The following SNTG1 variants were observed in gnomAD, a reference collection of about 807,000 sequenced individuals.
SNTG1 encodes gamma-1-syntrophin.
Under a neutral mutation model 74.7 loss-of-function variants are expected in SNTG1, and 39 were observed. The observed-to-expected ratio is 0.52, with a 90% CI of 0.40 to 0.68. The LOEUF (loss-of-function observed/expected upper bound fraction) is 0.68, where lower values mean the gene tolerates loss of function less well. Among genes scored for constraint, SNTG1 ranks in the 30% least tolerant of loss-of-function variants. The pLI is 0.00. For missense variants in SNTG1, 685 were observed against 609.5 expected (o/e 1.12, Z -1.30); for synonymous variants, 254 against 217.1 (o/e 1.17, Z -1.49).
chr8:50,165,880 G>A (rs927767201), intron 1 of SNTG1, among the ~76,000 whole-genome samples: 1 of 151,684 alleles, frequency 6.6e-6, no homozygotes, highest in Non-Finnish European at 1.5e-5. Context: ...ATACTACAAG[G>A]CTACAGTAAC....
At chr8:50,317,981 C>G (rs181918244) in intron 2 of SNTG1, among the ~76,000 whole-genome samples, 2 of 152,104 alleles carry the variant, frequency 1.3e-5, no homozygotes, top group Admixed American at 6.5e-5. Context: ...GGACTACAGG[C>G]GCTCGCCACC....
At chr8:50,377,348 G>A (rs373374013) in intron 2 of SNTG1, among the ~76,000 whole-genome samples, 1 of 152,078 alleles carries the variant, frequency 6.6e-6, no homozygotes, top group Admixed American at 6.5e-5. Context: ...TAACAACTTC[G>A]TACATAATTT....
At chr8:50,509,599 T>C (rs1585513734) in intron 9 of SNTG1, among the ~76,000 whole-genome samples, 1 of 152,156 alleles carries the variant, frequency 6.6e-6, no homozygotes, top group Non-Finnish European at 1.5e-5. Context: ...CATTGAGCAG[T>C]GGTGTGTAGT....
chr8:50,085,584 CATTCTTAGGCTGGTCTCCT>C (rs1266693556), intron 1 of SNTG1, among the ~76,000 whole-genome samples: 1 of 152,202 alleles, frequency 6.6e-6, no homozygotes, highest in African/African-American at 2.4e-5. Context: ...GTGTTAATTT[CATTCTTAGGCTGGTCTCCT>C]CATTGTCACA....
At chr8:50,045,848 G>A (rs539919294) in intron 1 of SNTG1, among the ~76,000 whole-genome samples, 1 of 152,242 alleles carries the variant, frequency 6.6e-6, no homozygotes, top group Non-Finnish European at 1.5e-5. Flanking sequence ...TAGTTCTGTT[G>A]AGAACAATTT....
At chr8:49,972,873 G>T (rs1048939543) in intron 1 of SNTG1, among the ~76,000 whole-genome samples, 2 of 152,178 alleles carry the variant, frequency 1.3e-5, no homozygotes, top group African/African-American at 4.8e-5. Flanking sequence ...AACAGGTGCT[G>T]GAGAGGATGT....
rs376764133 is a variant in SNTG1 at position 50,088,811 on chromosome 8, G to A, written c.-102-83750G>A. Among the ~76,000 whole-genome samples the A allele has an allele frequency of 1.7e-3, 257 of 147,532 alleles. 1 individual carries two copies. Among genetic ancestry groups the A allele is most frequent in the Non-Finnish European group, 3.0e-3 (196 of 66,078 alleles). On this transcript the variant is annotated intron_variant, in intron 1 of 18. Transcript: ENST00000642720. ...CTCATGGGTAGGAAGAATCAATATC[G>A]TGAAAATGGCCATACTGCCCAAGGT...
intron 8 of SNTG1, among the ~76,000 whole-genome samples, chr8:50,462,048 C>T (rs1051276805): frequency 6.6e-6 from 1 of 152,040 alleles, no homozygotes; most frequent in Non-Finnish European, 1.5e-5. Context: ...GTACAGTGTA[C>T]TCTGCTCCAA....
chr8:50,013,258 G>C (rs1027798808), intron 1 of SNTG1, among the ~76,000 whole-genome samples: 2 of 152,060 alleles, frequency 1.3e-5, no homozygotes, highest in African/African-American at 4.8e-5. Flanking sequence ...TAAATGTGTA[G>C]AAGACTGCAA....
intron 1 of SNTG1, among the ~76,000 whole-genome samples, chr8:49,999,441 T>C (rs1292632516): frequency 1.3e-5 from 2 of 152,164 alleles, no homozygotes; most frequent in African/African-American, 4.8e-5. Flanking sequence ...AGTCTATTCT[T>C]GACACAACAG....
At chr8:50,528,482 T>C (rs1387347946) in intron 9 of SNTG1, among the ~76,000 whole-genome samples, 1 of 151,984 alleles carries the variant, frequency 6.6e-6, no homozygotes, top group Non-Finnish European at 1.5e-5. Flanking sequence ...AAAACCAAGC[T>C]TGCATTTCTA....
chr8:49,971,843 C>A (rs1345134867), intron 1 of SNTG1, among the ~76,000 whole-genome samples: 1 of 152,094 alleles, frequency 6.6e-6, no homozygotes, highest in African/African-American at 2.4e-5. Flanking sequence ...GAACTACAAA[C>A]CACTGCTCAA....
chr8:50,146,038 T>G (rs1345536376), intron 1 of SNTG1, among the ~76,000 whole-genome samples: 1 of 151,936 alleles, frequency 6.6e-6, no homozygotes, highest in African/African-American at 2.4e-5. Flanking sequence ...AATGATTTTG[T>G]TAAACTTATT....
In SNTG1 at chr8:50,691,110, C is replaced by T. The variant is rs1450878279; in HGVS notation, c.1039-13490C>T. On this transcript the variant is annotated intron_variant, in intron 15 of 18. Coordinates refer to ENST00000642720, the MANE Select transcript of SNTG1 (RefSeq NM_018967.5). ...GTTTTCCATTTGCTTGGTAGATCTC[C>T]CTCCATCCCTTTATTTTGAGCCTAT... is the stretch of plus-strand genomic sequence containing the variant. Among the ~76,000 whole-genome samples, 3 of 152,154 alleles carry T rather than the reference C, an allele frequency of 2.0e-5. 1 individual carries two copies. The highest frequency in any genetic ancestry group is 6.8e-3 in the Middle Eastern group (2 of 292).
rs919285308 is a variant in SNTG1, at chr8:50,157,768, G to A, written c.-102-14793G>A. ...GCAGCTTCTTGAGATTGCTACTGGTGCTTTGTTTACAGCACTGAGACCTTT... is the reference window on the plus strand; with the variant it reads ...GCAGCTTCTTGAGATTGCTACTGGTACTTTGTTTACAGCACTGAGACCTTT... On this transcript the variant is annotated intron_variant, in intron 1 of 18. Coordinates refer to ENST00000642720, the MANE Select transcript of SNTG1 (RefSeq NM_018967.5). Among the ~76,000 whole-genome samples the A allele has an allele frequency of 1.2e-4, 18 of 152,076 alleles. 1 individual carries two copies. Among genetic ancestry groups the A allele is most frequent in the Admixed American group, 1.0e-3 (16 of 15,264 alleles).
intron 12 of SNTG1, among the ~76,000 whole-genome samples, chr8:50,578,110 A>G (rs2094587182): frequency 6.6e-6 from 1 of 152,264 alleles, no homozygotes; most frequent in Admixed American, 6.5e-5. Context: ...GAGGGAAGTT[A>G]AAATGAATAA....
intron 17 of SNTG1, among the ~76,000 whole-genome samples, chr8:50,720,568 C>T (rs746637992): frequency 6.6e-6 from 1 of 152,116 alleles, no homozygotes; most frequent in East Asian, 1.9e-4. Context: ...AAAGTCTAAG[C>T]ATTATGAGGG....
chr8:50,000,522 A>G (rs964689369), intron 1 of SNTG1, among the ~76,000 whole-genome samples: 60 of 152,202 alleles, frequency 3.9e-4, no homozygotes, highest in African/African-American at 1.4e-3. Context: ...AAGGGTGTTT[A>G]AAGACTTACA....
chr8:50,603,210 C>G (rs1292236172), intron 13 of SNTG1, among the ~76,000 whole-genome samples: 1 of 152,016 alleles, frequency 6.6e-6, no homozygotes, highest in Non-Finnish European at 1.5e-5. Context: ...ATTTGTTTTT[C>G]CATTGTCTCT....
Sources: gnomAD v4.1 joint callset for allele counts (sites outside exome capture counted in the v4.1 genomes callset) on GRCh38, gnomAD v4.1.1 for gene constraint, MANE v1.5 for transcripts, NCBI Gene and HGNC (gene_info 2026-07-23, HGNC 2026-07-21) for gene names.